EIF2AK3: variants seen among roughly 807,000 people sequenced by gnomAD.
The protein encoded by EIF2AK3 is eukaryotic translation initiation factor 2-alpha kinase 3.
In EIF2AK3, 50 loss-of-function variants were observed where a neutral mutation model predicts 113.5. The ratio of observed to expected loss-of-function variants is 0.44; its 90% CI spans 0.35 to 0.56. EIF2AK3 has a LOEUF of 0.56. Among genes scored for constraint, EIF2AK3 ranks in the 20% least tolerant of loss-of-function variants. EIF2AK3 has a pLI of 0.00. For missense variants in EIF2AK3, 1,185 were observed against 1,378.0 expected (o/e 0.86, Z 2.22); for synonymous variants, 448 against 495.4 (o/e 0.90, Z 1.27).
intron 13 of EIF2AK3, 40 bp downstream of exon 13, chr2:88,574,626 C>T (rs1219404261): frequency 6.2e-7 from 1 of 1,610,160 alleles, no homozygotes; most frequent in Non-Finnish European, 8.5e-7. Flanking sequence ...CACAAAACGT[C>T]AGATTGAAAC....
chr2:88,594,122 A>G (rs1230823677), intron 3 of EIF2AK3: 1 of 158,376 alleles, frequency 6.3e-6, no homozygotes, highest in Non-Finnish European at 1.4e-5. Context: ...CAAGAGCAAG[A>G]AAGTGCTATG....
At chr2:88,600,001 A>G (rs1430471485) in intron 2 of EIF2AK3, among the ~76,000 whole-genome samples, 2 of 152,212 alleles carry the variant, frequency 1.3e-5, no homozygotes, top group Non-Finnish European at 2.9e-5. Flanking sequence ...CCTTATTTTA[A>G]AAGTTAAATG....
chr2:88,587,139 A>C (rs1674755443), intron 8 of EIF2AK3, among the ~76,000 whole-genome samples: 1 of 124,770 alleles, frequency 8.0e-6, no homozygotes, highest in Admixed American at 1.1e-4. Context: ...CAGGAGGTGG[A>C]GGTTGTAGTG....
intron 1 of EIF2AK3, among the ~76,000 whole-genome samples, chr2:88,616,124 A>T (rs1053220962): frequency 2.6e-5 from 4 of 151,778 alleles, no homozygotes; most frequent in Non-Finnish European, 4.4e-5. Flanking sequence ...CCTACATGTA[A>T]TTTTTTTGGT....
chr2:88,593,946 C>T (rs2104443376), intron 3 of EIF2AK3: 2 of 991,336 alleles, frequency 2.0e-6, no homozygotes, highest in South Asian at 9.1e-5. Flanking sequence ...AGCAGCACAT[C>T]AAATCGGAAA....
intron 1 of EIF2AK3, among the ~76,000 whole-genome samples, chr2:88,621,778 A>G (rs1675730792): frequency 6.6e-6 from 1 of 152,194 alleles, no homozygotes; most frequent in Non-Finnish European, 1.5e-5. Context: ...TATCAGCTAG[A>G]CCTTAAAGAC....
At chr2:88,587,411 C>A in intron 8 of EIF2AK3, among the ~76,000 whole-genome samples, 1 of 151,936 alleles carries the variant, frequency 6.6e-6, no homozygotes, top group East Asian at 1.9e-4. Flanking sequence ...CTGAATATAT[C>A]CTAACTTCAA....
At chr2:88,566,248 C>G (rs1252321387) in intron 14 of EIF2AK3, among the ~76,000 whole-genome samples, 1 of 152,166 alleles carries the variant, frequency 6.6e-6, no homozygotes, top group East Asian at 1.9e-4. Context: ...AAATTTATCT[C>G]CAAATGGAAC....
At chr2:88,594,613 A>T (rs1674967685) in intron 3 of EIF2AK3, among the ~76,000 whole-genome samples, 2 of 152,300 alleles carry the variant, frequency 1.3e-5, no homozygotes, top group Non-Finnish European at 2.9e-5. Flanking sequence ...CTAGATTATT[A>T]ACAGCATGAC....
rs1212032502 is a variant in EIF2AK3 at position 88,576,679 on chromosome 2, C to T, written c.1911G>A (p.Met637Ile). 1.2e-6 allele frequency: 2 copies of T among 1,613,954 alleles called. No individual in the cohort carries two copies. Among genetic ancestry groups the T allele is most frequent in the Non-Finnish European group, 8.5e-7 (1 of 1,180,024 alleles). The change falls in exon 12 of 17, where the codon ATG (methionine) becomes ATA (isoleucine). Residue 637 changes from methionine to isoleucine, a missense_variant. By Grantham distance (10) the Met-to-Ile change is conservative (BLOSUM62 1). Around this residue, in one of 3 missense-constraint regions of EIF2AK3, gnomAD observed 877 missense variants for 1,024.2 expected, o/e 0.86. Coordinates refer to ENST00000303236, the MANE Select transcript of EIF2AK3 (RefSeq NM_004836.7). The stretch of plus-strand genomic sequence containing the variant: ...GCTTGGCTAAGGCTTTAACTTCTCG[C>T]ATTACCTTTTCCCGAGCCAATTCCC... ...PNRELAREKV[M>I]REVKALAKLE...
intron 14 of EIF2AK3, among the ~76,000 whole-genome samples, chr2:88,563,449 TA>T (rs564682084): frequency 5.9e-5 from 9 of 151,926 alleles, no homozygotes; most frequent in South Asian, 2.1e-4. Flanking sequence ...TTGGAAGTGT[TA>T]AAAAAAATGT....
chr2:88,601,834 CTTTTTTTTTTTTT>C (rs59987968), intron 2 of EIF2AK3, among the ~76,000 whole-genome samples: 3 of 74,858 alleles, frequency 4.0e-5, no homozygotes, highest in African/African-American at 5.3e-5. Flanking sequence ...TAAGATTTTT[CTTTTTTTTTTTTT>C]TTTTTTTTGC....
intron 2 of EIF2AK3, among the ~76,000 whole-genome samples, chr2:88,600,629 C>T (rs996321231): frequency 1.3e-5 from 2 of 152,090 alleles, no homozygotes; most frequent in Admixed American, 1.3e-4. Context: ...AAAGTAATTC[C>T]GTTTCTGTTT....
chr2:88,572,072 A>C (rs773228810), intron 13 of EIF2AK3, among the ~76,000 whole-genome samples: 5 of 152,246 alleles, frequency 3.3e-5, no homozygotes, highest in Non-Finnish European at 7.3e-5. Context: ...GCCAGAAAAT[A>C]ACATTGCATT....
Position 88,585,876 on chromosome 2 carries a change from T to A in EIF2AK3, c.1615A>T (p.Ile539Phe), listed in dbSNP as rs1558652905. ...TGAGGATGGAAAAGCCTGCGCACAA[T>A]AAACGTTGTTGCTATGATACAAAAC... The part of the protein sequence containing the change: ...ILFCIIATTF[I>F]VRRLFHPHPH... Residue 539 changes from isoleucine (I) to phenylalanine (F), a missense_variant, in exon 9 of 17, where the codon ATT becomes TTT. Physicochemically the swap from Ile to Phe is conservative, Grantham distance 21 (BLOSUM62 0). Coordinates refer to ENST00000303236, the MANE Select transcript of EIF2AK3 (RefSeq NM_004836.7). The A allele has an allele frequency of 6.2e-7, 1 of 1,614,106 alleles. No individual in the cohort carries two copies. Among genetic ancestry groups the A allele is most frequent in the Non-Finnish European group, 8.5e-7 (1 of 1,179,986 alleles).
At chr2:88,620,858 C>T (rs1675702673) in intron 1 of EIF2AK3, among the ~76,000 whole-genome samples, 1 of 152,196 alleles carries the variant, frequency 6.6e-6, no homozygotes. Flanking sequence ...ACGGAAAAGA[C>T]ATTTATCTAC....
chr2:88,627,173 A>T lies in EIF2AK3; in HGVS notation c.102T>A (p.Arg34=). 6.9e-7 allele frequency: 1 copy of T among 1,442,190 alleles called. No individual in the cohort carries two copies. Among genetic ancestry groups the T allele is most frequent in the Non-Finnish European group, 9.1e-7 (1 of 1,103,440 alleles). 89.3% of individuals were successfully genotyped at this position (1,442,190 alleles called of 1,614,324 possible). The part of the protein sequence containing the change: ...AARTVAAGRA[R]GLPAPTAEAA... ...CCTCCGCCGTCGGCGCTGGGAGGCC[A>T]CGGGCGCGCCCCGCGGCCACCGTCC... Residue 34 remains arginine (R), a synonymous_variant, in exon 1 of 17, where the codon CGT becomes CGA. Coordinates refer to ENST00000303236, the MANE Select transcript of EIF2AK3 (RefSeq NM_004836.7).
At chr2:88,617,598 T>A (rs1558664876) in intron 1 of EIF2AK3, among the ~76,000 whole-genome samples, 6 of 149,982 alleles carry the variant, frequency 4.0e-5, no homozygotes. Flanking sequence ...TACTAAAATA[T>A]AAAAAAAAAT....
intron 11 of EIF2AK3, among the ~76,000 whole-genome samples, chr2:88,577,194 G>C (rs1270143482): frequency 6.6e-6 from 1 of 152,086 alleles, no homozygotes; most frequent in Non-Finnish European, 1.5e-5. Context: ...TGTTGGTCAG[G>C]CTAGTCTCGA....
Sources: gnomAD v4.1 joint callset for allele counts (sites outside exome capture counted in the v4.1 genomes callset) on GRCh38, gnomAD v4.1.1 for gene constraint, gnomAD v4.1.1 regional missense constraint, MANE v1.5 for transcripts, NCBI Gene and HGNC (gene_info 2026-07-23, HGNC 2026-07-21) for gene names.